The following NF1 variants were observed in gnomAD, a reference collection of about 807,000 sequenced individuals.
NF1 encodes neurofibromin.
NF1 carries 122 observed loss-of-function variants against 325.7 expected under a neutral mutation model. The ratio of observed to expected loss-of-function variants is 0.37; its 90% CI spans 0.32 to 0.44. NF1 has a LOEUF of 0.44. Ranked by LOEUF, NF1 falls within the 20% of genes least tolerant of loss-of-function variation. The probability of loss-of-function intolerance (pLI) is 1.00; values close to 1 mark genes in which losing one functional copy is unlikely to be tolerated. For missense variants in NF1, 2,140 were observed against 3,415.4 expected, an observed-to-expected ratio of 0.63 and a Z score of 9.31; for synonymous variants, 1,091 against 1,186.0, an observed-to-expected ratio of 0.92 and a Z score of 1.65.
rs78876140 is a variant in NF1, at chr17:31,144,656, T to C, written c.61-11327T>C. 8.3e-3 allele frequency among the ~76,000 whole-genome samples: 1,263 copies of C among 152,316 alleles called. 10 individuals carry two copies. Among genetic ancestry groups the C allele is most frequent in the South Asian group, 0.014 (68 of 4,832 alleles). Reference sequence around the variant, plus strand: ...CGTCCCATTCTTCAGAATCTCTGCATGTGGCCTCGGCTTCTCACAGCATGC... The same window carrying C: ...CGTCCCATTCTTCAGAATCTCTGCACGTGGCCTCGGCTTCTCACAGCATGC... On this transcript the variant is annotated intron_variant, in intron 1 of 57. Transcript: ENST00000358273.
intron 1 of NF1, among the ~76,000 whole-genome samples, chr17:31,115,721 T>C (rs565669650): frequency 6.6e-6 from 1 of 152,156 alleles, no homozygotes; most frequent in Non-Finnish European, 1.5e-5. Flanking sequence ...AGTACCTTGA[T>C]CAAAGTCTTG....
chr17:31,217,608 C>T lies in NF1; in HGVS notation c.1528-1397C>T, dbSNP rs115311308. On this transcript the variant is annotated intron_variant, in intron 13 of 57. Transcript: ENST00000358273. ...GCATGAGCCACCATGCCTGGCCAAA[C>T]CATATATTCTTGAAGTGCAAATATA... is the stretch of plus-strand genomic sequence containing the variant. Among the ~76,000 whole-genome samples, 275 of 151,938 alleles carry T rather than the reference C, an allele frequency of 1.8e-3. 2 individuals are homozygous for T. Among genetic ancestry groups the T allele is most frequent in the African/African-American group, 6.2e-3 (258 of 41,480 alleles).
chr17:31,103,055 G>C (rs1410093978), intron 1 of NF1, among the ~76,000 whole-genome samples: 1 of 151,742 alleles, frequency 6.6e-6, no homozygotes, highest in Non-Finnish European at 1.5e-5. Flanking sequence ...CATGTTAGCT[G>C]GTCTCAAACT....
chr17:31,360,749 C>T (rs2151588464), intron 57 of NF1, 46 bp downstream of exon 57: 1 of 1,498,264 alleles, frequency 6.7e-7, no homozygotes, highest in Non-Finnish European at 9.3e-7. Flanking sequence ...CAATATAAGA[C>T]ACCAACATTA....
intron 33 of NF1, among the ~76,000 whole-genome samples, chr17:31,259,455 T>C (rs910193810): frequency 6.6e-6 from 1 of 152,172 alleles, no homozygotes; most frequent in Non-Finnish European, 1.5e-5. Flanking sequence ...TAAAACCAAA[T>C]TGGTATCAAT....
rs763413441 is a variant in NF1 at position 31,325,942 on chromosome 17, G to A, written c.4958G>A (p.Arg1653His). ...CTTACCCATACCGGGCCTAGCAATC[G>A]CTTTAAAACAGACTTTCTCTCTAAG... Reference protein sequence around the residue: ...VDLTHTGPSNRFKTDFLSKWF... With the variant: ...VDLTHTGPSNHFKTDFLSKWF... The change falls in exon 37 of 58, where the codon CGC becomes CAC. Residue 1653 changes from arginine to histidine, a missense_variant. Around this residue, in one of 10 missense-constraint regions of NF1, gnomAD observed 103 missense variants for 214.6 expected, o/e 0.48. Coordinates refer to ENST00000358273, the MANE Select transcript of NF1 (RefSeq NM_001042492.3). 3.7e-6 allele frequency: 6 copies of A among 1,614,162 alleles called. No homozygotes were observed. The highest frequency in any genetic ancestry group is 1.1e-5 in the South Asian group (1 of 91,088).
chr17:31,326,037 T>A lies in NF1; in HGVS notation c.5053T>A (p.Trp1685Arg). ...AGTCTATATCTATAACTGTAACTCC[T>A]GGGTCAGGGAGTACACCAAGTATCA... ...SAVYIYNCNSWVREYTKYHER... is the reference protein window; with the variant it reads ...SAVYIYNCNSRVREYTKYHER... The change falls in exon 37 of 58, where the codon TGG (tryptophan) becomes AGG (arginine). Residue 1685 changes from tryptophan (W) to arginine (R), a missense_variant. By Grantham distance (101) the Trp-to-Arg change is moderately radical (BLOSUM62 -3). Coordinates refer to ENST00000358273, the MANE Select transcript of NF1 (RefSeq NM_001042492.3). 1 of 1,614,174 alleles carries A rather than the reference T, an allele frequency of 6.2e-7. No individual in the cohort carries two copies. The highest frequency in any genetic ancestry group is 8.5e-7 in the Non-Finnish European group (1 of 1,180,016).
intron 11 of NF1, 148 bp from the exon 12 acceptor site, chr17:31,206,092 T>C: frequency 1.3e-6 from 1 of 798,420 alleles, no homozygotes; most frequent in South Asian, 1.4e-5. Flanking sequence ...AGACGTTGTT[T>C]GAAGACTTTG....
At chr17:31,370,363 C>T (rs571519524) in intron 57 of NF1, among the ~76,000 whole-genome samples, 23 of 152,266 alleles carry the variant, frequency 1.5e-4, no homozygotes, top group African/African-American at 5.5e-4. Flanking sequence ...ACCCACAATC[C>T]TATCATTCTA....
At chr17:31,219,222 A>G in intron 14 of NF1, 104 bp downstream of exon 14, 2 of 1,181,746 alleles carry the variant, frequency 1.7e-6, no homozygotes, top group Non-Finnish European at 1.2e-6. Context: ...GGTAGATGTC[A>G]TTTCTGGAAA....
intron 39 of NF1, chr17:31,334,522 T>C (rs891946994): frequency 2.7e-5 from 9 of 338,428 alleles, no homozygotes; most frequent in East Asian, 1.4e-4. Context: ...GCTTTCCTTT[T>C]ACCAAACTTT....
chr17:31,293,104 G>C (rs2068375939), intron 36 of NF1, among the ~76,000 whole-genome samples: 2 of 147,140 alleles, frequency 1.4e-5, no homozygotes, highest in African/African-American at 5.0e-5. Flanking sequence ...CTTGAACCTG[G>C]GAGGGGGAGA....
intron 36 of NF1, chr17:31,295,038 G>A (rs766385460): frequency 6.2e-7 from 1 of 1,614,116 alleles, no homozygotes; most frequent in Non-Finnish European, 8.5e-7. Flanking sequence ...ACAACATTGA[G>A]CAATAAGAGA....
intron 12 of NF1, among the ~76,000 whole-genome samples, chr17:31,210,517 G>A (rs956533823): frequency 6.6e-6 from 1 of 152,058 alleles, no homozygotes; most frequent in Non-Finnish European, 1.5e-5. Flanking sequence ...CCCGGGAGGC[G>A]GAGGTTGCAG....
At chr17:31,225,071 G>T (rs763388889) in intron 16 of NF1, 24 bp from the exon 17 acceptor site, 80 of 1,611,926 alleles carry the variant, frequency 5.0e-5, no homozygotes, top group Non-Finnish European at 6.7e-5. Context: ...CTTCAGTAAA[G>T]CTTATTTATT....
intron 4 of NF1, among the ~76,000 whole-genome samples, chr17:31,166,672 G>GT (rs1434792810): frequency 1.3e-5 from 2 of 152,016 alleles, no homozygotes; most frequent in African/African-American, 2.4e-5. Context: ...GTGCTGGTAG[G>GT]TTTTTTTCTT....
At chr17:31,201,307 G>GT (rs981161732) in intron 10 of NF1, 104 bp from the exon 11 acceptor site, 8,602 of 1,294,920 alleles carry the variant, frequency 6.6e-3, no homozygotes, top group Non-Finnish European at 7.8e-3. Flanking sequence ...AAAACTTAGT[G>GT]TTTTTTTTTT....
intron 20 of NF1, 78 bp downstream of exon 20, chr17:31,227,684 G>C: frequency 7.7e-7 from 1 of 1,292,432 alleles, no homozygotes; most frequent in Non-Finnish European, 1.1e-6. Flanking sequence ...TCTTTCAAGA[G>C]TCGCTCAGTA....
rs999720392 is a variant in NF1, at chr17:31,232,775, G to T, written c.3390G>T (p.Arg1130Ser). 1 of 1,613,942 alleles carries T rather than the reference G, an allele frequency of 6.2e-7. No homozygotes were observed. Among genetic ancestry groups the T allele is most frequent in the East Asian group, 2.2e-5 (1 of 44,878 alleles). Residue 1130 changes from arginine to serine, a missense_variant, in exon 26 of 58, where the codon AGG (arginine) becomes AGT (serine). Arg to Ser is a moderately radical substitution (Grantham distance 110). Around this residue, in one of 10 missense-constraint regions of NF1, gnomAD observed 380 missense variants for 639.3 expected, o/e 0.59. Coordinates refer to ENST00000358273, the MANE Select transcript of NF1 (RefSeq NM_001042492.3). ...VEDESAQTGG[R>S]KRGMSRRLAS... ...ATGAAAGTGCGCAAACAGGTGGCAG[G>T]AAACGTGGCATGTCTCGGAGGCTGG...
Sources: allele counts gnomAD v4.1 joint callset (sites outside exome capture counted in the v4.1 genomes callset), GRCh38; gene constraint gnomAD v4.1.1; regional missense constraint gnomAD v4.1.1; transcripts MANE v1.5; gene names NCBI Gene and HGNC (gene_info 2026-07-23, HGNC 2026-07-21).